The following CR1 variants were observed in gnomAD, a reference collection of about 807,000 sequenced individuals.
CR1 encodes the protein complement C3b/C4b receptor 1 (Knops blood group).
In CR1, 116 loss-of-function variants were observed where a neutral mutation model predicts 187.3. The ratio of observed to expected loss-of-function variants is 0.62; its 90% CI spans 0.53 to 0.72. The LOEUF (loss-of-function observed/expected upper bound fraction) is 0.72. Ranked by LOEUF, CR1 falls within the 30% of genes least tolerant of loss-of-function variation. The probability of loss-of-function intolerance (pLI) is 0.00; values close to 1 mark genes in which losing one functional copy is unlikely to be tolerated. For missense variants in CR1, 1,731 were observed against 2,110.7 expected, an observed-to-expected ratio of 0.82 and a Z score of 3.52; for synonymous variants, 576 against 747.1, an observed-to-expected ratio of 0.77 and a Z score of 3.73.
At chr1:207,498,603 G>A (rs535393175) in intron 1 of CR1, among the ~76,000 whole-genome samples, 5 of 152,082 alleles carry the variant, frequency 3.3e-5, no homozygotes, top group Non-Finnish European at 7.4e-5. Flanking sequence ...AGATGGCTGG[G>A]GACAGTGGCT....
chr1:207,511,459 G>A (rs1434141632), intron 3 of CR1, 110 bp from the exon 4 acceptor site: 13 of 1,096,258 alleles, frequency 1.2e-5, no homozygotes, highest in Non-Finnish European at 1.6e-5. Context: ...TTTGATGAGT[G>A]TAAAAAGTCC....
chr1:207,525,373 A>T (rs1005507182), intron 5 of CR1, among the ~76,000 whole-genome samples: 1 of 151,952 alleles, frequency 6.6e-6, no homozygotes. Flanking sequence ...TCTACAGCAC[A>T]GGAGCCTGGA....
intron 28 of CR1, among the ~76,000 whole-genome samples, chr1:207,576,054 T>C (rs1487325377): frequency 2.0e-5 from 3 of 152,236 alleles, no homozygotes; most frequent in African/African-American, 7.2e-5. Context: ...ACATCAGATA[T>C]TCAAGCCATG....
intron 1 of CR1, among the ~76,000 whole-genome samples, chr1:207,499,387 G>A (rs1659195369): frequency 6.6e-6 from 1 of 152,188 alleles, no homozygotes; most frequent in Non-Finnish European, 1.5e-5. Context: ...AGGAGAAATA[G>A]ATGGATTTAC....
intron 46 of CR1, among the ~76,000 whole-genome samples, chr1:207,635,247 C>G (rs55719292): frequency 6.6e-6 from 1 of 151,886 alleles, no homozygotes; most frequent in Non-Finnish European, 1.5e-5. Context: ...GTTCAGCATA[C>G]GGAGGATCCA....
intron 25 of CR1, 60 bp downstream of exon 25, chr1:207,568,102 T>A: frequency 6.2e-7 from 1 of 1,610,506 alleles, no homozygotes; most frequent in Non-Finnish European, 8.5e-7. Flanking sequence ...AGCCCCTCCA[T>A]ATTTCCATAA....
intron 1 of CR1, among the ~76,000 whole-genome samples, chr1:207,500,555 A>C (rs1026622285): frequency 9.8e-5 from 15 of 152,372 alleles, no homozygotes; most frequent in East Asian, 1.9e-4. Flanking sequence ...TGAGTCATAC[A>C]AGACAAAACC....
At chr1:207,596,930 T>C (rs1661464033) in intron 35 of CR1, among the ~76,000 whole-genome samples, 1 of 148,822 alleles carries the variant, frequency 6.7e-6, no homozygotes, top group Non-Finnish European at 1.5e-5. Context: ...CTATTTTCTC[T>C]TTATTTTTTA....
chr1:207,587,703 A>C, intron 34 of CR1, 138 bp downstream of exon 34: 1 of 703,772 alleles, frequency 1.4e-6, no homozygotes. Context: ...GTTCGCAACC[A>C]GCCTGGGCAA....
intron 3 of CR1, chr1:207,507,213 A>G (rs185572198): frequency 6.2e-6 from 1 of 161,686 alleles, no homozygotes; most frequent in Non-Finnish European, 1.3e-5. Context: ...CTGCTGTAAC[A>G]GAGTACTCCA....
At chr1:207,636,299 G>C (rs149308044) in intron 46 of CR1, among the ~76,000 whole-genome samples, 7 of 151,930 alleles carry the variant, frequency 4.6e-5, no homozygotes, top group African/African-American at 1.7e-4. Context: ...TCAGTTCCTG[G>C]CACCAAATTT....
Position 207,584,871 on chromosome 1 carries a change from G to A in CR1, c.5525G>A (p.Arg1842His), listed in dbSNP as rs200621891. 7.5e-5 allele frequency: 121 copies of A among 1,613,780 alleles called. No homozygotes were observed. Among genetic ancestry groups the A allele is most frequent in the African/African-American group, 1.7e-4 (13 of 74,914 alleles). ...GCCCCTCGCTGTGAACTTTCTGTTC[G>A]TGCTGGTCAGTATCCACTTCCACAT... ...SPAPRCELSV[R>H]AGHCKTPEQF... The change falls in exon 33 of 47, where the codon CGT becomes CAT. Residue 1842 changes from arginine to histidine, a missense_variant. Physicochemically the swap from Arg to His is conservative, Grantham distance 29 (BLOSUM62 0). This residue lies in a region of CR1 where 1,312 missense variants were observed against 1,379.6 expected (regional missense o/e 0.95). Transcript: ENST00000367049.
rs545883114 is a variant in CR1 at position 207,563,961 on chromosome 1, C to G, written c.3684C>G (p.Pro1228=). Residue 1228 remains proline, a synonymous_variant, in exon 22 of 47, where the codon CCC becomes CCG. Coordinates refer to ENST00000367049, the MANE Select transcript of CR1 (RefSeq NM_000651.6). ...PGQEVFYSCE[P]GYDLRGAASM... is the part of the protein sequence containing the mutation. ...AGGAAGTGTTCTACAGCTGTGAGCCCGGCTATGACCTCAGAGGGGCTGCGT... is the reference window on the plus strand; with the variant it reads ...AGGAAGTGTTCTACAGCTGTGAGCCGGGCTATGACCTCAGAGGGGCTGCGT... The G allele has an allele frequency of 6.6e-7, 1 of 1,515,664 alleles. No individual in the cohort carries two copies. The highest frequency in any genetic ancestry group is 8.7e-7 in the Non-Finnish European group (1 of 1,147,822). The allele number at this position is 1,515,664 out of a possible 1,614,324, so 93.9% of individuals were successfully genotyped here. A position where few individuals can be genotyped will look rare whatever the true frequency, so the allele number is the denominator to read the frequency against.
intron 4 of CR1, among the ~76,000 whole-genome samples, chr1:207,514,994 T>TATATAC (rs1553287769): frequency 9.2e-5 from 11 of 119,572 alleles, no homozygotes; most frequent in African/African-American, 3.0e-4. Flanking sequence ...TATATATATA[T>TATATAC]ACACACACAC....
intron 1 of CR1, among the ~76,000 whole-genome samples, chr1:207,498,101 C>T (rs1273790928): frequency 6.6e-6 from 1 of 152,210 alleles, no homozygotes; most frequent in South Asian, 2.1e-4. Flanking sequence ...ACATCACTGA[C>T]CTTCAGTGTC....
chr1:207,621,975 A>T lies in CR1; in HGVS notation c.7255A>T (p.Thr2419Ser), dbSNP rs2296160. The T allele has an allele frequency of 1.3e-6, 2 of 1,595,984 alleles. No individual in the cohort carries two copies. The highest frequency in any genetic ancestry group is 1.7e-6 in the Non-Finnish European group (2 of 1,169,590). ...TGTGACTTTTGTCTTCCTTTTAGGT[A>T]CACATGATGCTCTCATAGTTGGTAA... ...DPPLAKCTSRTHDALIVGTLS... is the reference protein window; with the variant it reads ...DPPLAKCTSRSHDALIVGTLS... Residue 2419 changes from threonine (T) to serine (S), a missense_variant and splice_region_variant, in exon 44 of 47, where the codon ACA becomes TCA. Coordinates refer to ENST00000367049, the MANE Select transcript of CR1 (RefSeq NM_000651.6).
chr1:207,634,043 G>T (rs1662734054), intron 46 of CR1, among the ~76,000 whole-genome samples: 1 of 152,114 alleles, frequency 6.6e-6, no homozygotes, highest in African/African-American at 2.4e-5. Flanking sequence ...GCAAGGACCG[G>T]CCATTTACAT....
At chr1:207,582,846 A>C (rs547376849) in intron 32 of CR1, among the ~76,000 whole-genome samples, 1 of 152,240 alleles carries the variant, frequency 6.6e-6, no homozygotes, top group African/African-American at 2.4e-5. Flanking sequence ...AGCAACCGCC[A>C]GGGTAGAATT....
intron 32 of CR1, among the ~76,000 whole-genome samples, chr1:207,582,522 G>C (rs1660988188): frequency 6.6e-6 from 1 of 152,208 alleles, no homozygotes; most frequent in South Asian, 2.1e-4. Context: ...ATGTTCAAAT[G>C]ATACTAAGTG....
Sources: gnomAD v4.1 joint callset for allele counts (sites outside exome capture counted in the v4.1 genomes callset) on GRCh38, gnomAD v4.1.1 for gene constraint, gnomAD v4.1.1 regional missense constraint, MANE v1.5 for transcripts, NCBI Gene and HGNC (gene_info 2026-07-23, HGNC 2026-07-21) for gene names.